The following DNAJA1 variants were observed in gnomAD, a reference collection of about 807,000 sequenced individuals.
The protein encoded by DNAJA1 is dnaJ homolog subfamily A member 1.
Under a neutral mutation model 47.6 loss-of-function variants are expected in DNAJA1, and 26 were observed. The ratio of observed to expected loss-of-function variants is 0.55; its 90% CI spans 0.40 to 0.76. The LOEUF (loss-of-function observed/expected upper bound fraction) is 0.76, where lower values mean the gene tolerates loss of function less well. Ranked by LOEUF, DNAJA1 falls within the 30% of genes least tolerant of loss-of-function variation. The pLI is 0.00. For missense variants in DNAJA1, 315 were observed against 485.0 expected, an observed-to-expected ratio of 0.65 and a Z score of 3.29; for synonymous variants, 165 against 158.4, an observed-to-expected ratio of 1.04 and a Z score of -0.31.
chr9:33,035,492 G>C (rs540638530), intron 6 of DNAJA1, among the ~76,000 whole-genome samples: 1 of 151,860 alleles, frequency 6.6e-6, no homozygotes, highest in African/African-American at 2.4e-5. Flanking sequence ...TTTTTGAGAT[G>C]CAGTTTCGCT....
intron 6 of DNAJA1, among the ~76,000 whole-genome samples, chr9:33,034,746 A>G (rs1839008816): frequency 6.6e-6 from 1 of 152,362 alleles, no homozygotes. Flanking sequence ...TTGTAACTCA[A>G]TACTAAGTAT....
rs1042299948 is a variant in DNAJA1, at chr9:33,033,567, G to C, written c.644-649G>C. ...AAAAAATTCAAAAATTAGCTGGTCTGTGGTCCTGGCTACTCGGGAGGCTGA... is the reference window on the plus strand; with the variant it reads ...AAAAAATTCAAAAATTAGCTGGTCTCTGGTCCTGGCTACTCGGGAGGCTGA... On this transcript the variant is annotated intron_variant, in intron 5 of 8. Transcript: ENST00000330899. 5.3e-5 allele frequency among the ~76,000 whole-genome samples: 8 copies of C among 152,164 alleles called. No homozygotes were observed. In the East Asian group the frequency reaches 1.2e-3, roughly 22 times the overall value.
At chr9:33,032,561 A>G (rs1006778766) in intron 5 of DNAJA1, among the ~76,000 whole-genome samples, 1 of 152,260 alleles carries the variant, frequency 6.6e-6, no homozygotes, top group African/African-American at 2.4e-5. Flanking sequence ...CCTATCAACA[A>G]TGGACTGTAA....
chr9:33,035,303 G>A (rs538064251), intron 6 of DNAJA1, among the ~76,000 whole-genome samples: 82 of 151,906 alleles, frequency 5.4e-4, no homozygotes, highest in African/African-American at 1.9e-3. Context: ...CAGAGGTCGC[G>A]GTGAGTTGAG....
At chr9:33,029,806 C>T in intron 3 of DNAJA1, 79 bp from the exon 4 acceptor site, 1 of 1,169,760 alleles carries the variant, frequency 8.5e-7, no homozygotes, top group Admixed American at 2.3e-5. Flanking sequence ...TATTCTTTGC[C>T]ACATTCTTTA....
chr9:33,035,059 T>C (rs974184495), intron 6 of DNAJA1, among the ~76,000 whole-genome samples: 1 of 132,406 alleles, frequency 7.6e-6, no homozygotes, highest in Non-Finnish European at 1.7e-5. Context: ...TTTTTTTTAA[T>C]GGAGTGGAGG....
In DNAJA1 at chr9:33,029,961, A is replaced by G. The variant is rs1205726889; in HGVS notation, c.387A>G (p.Gln129=). The change falls in exon 4 of 9, where the codon CAA becomes CAG. Residue 129 remains glutamine, a synonymous_variant. Transcript: ENST00000330899. The stretch of plus-strand genomic sequence containing the variant: ...GTGCAACAAGAAAACTGGCTCTGCA[A>G]AAGAATGTGATTTGTGACAAATGTG... ...YNGATRKLAL[Q]KNVICDKCEG... 1.9e-6 allele frequency: 3 copies of G among 1,613,592 alleles called. No individual in the cohort carries two copies. Among genetic ancestry groups the G allele is most frequent in the Non-Finnish European group, 2.5e-6 (3 of 1,179,868 alleles).
chr9:33,025,622 C>G (rs1462083355), intron 1 of DNAJA1, among the ~76,000 whole-genome samples: 1 of 152,212 alleles, frequency 6.6e-6, no homozygotes, highest in Non-Finnish European at 1.5e-5. Flanking sequence ...CCTGGGATCT[C>G]CAAGGAGCTA....
At chr9:33,027,287 C>T (rs184416291) in intron 3 of DNAJA1, among the ~76,000 whole-genome samples, 23 of 151,834 alleles carry the variant, frequency 1.5e-4, no homozygotes, top group South Asian at 8.3e-4. Flanking sequence ...TCCCAAGTAG[C>T]TGGGATTACA....
At chr9:33,026,684 G>A in intron 2 of DNAJA1, 68 bp downstream of exon 2, 2 of 1,566,026 alleles carry the variant, frequency 1.3e-6, no homozygotes, top group Admixed American at 2.0e-5. Flanking sequence ...TTCTATTATG[G>A]CCTGAAATCG....
intron 1 of DNAJA1, among the ~76,000 whole-genome samples, chr9:33,025,735 G>C (rs1279206167): frequency 6.6e-6 from 1 of 152,016 alleles, no homozygotes; most frequent in African/African-American, 2.4e-5. Flanking sequence ...CTGCGCACGC[G>C]CACAGGGAGG....
chr9:33,029,892 T>C lies in DNAJA1; in HGVS notation c.318T>C (p.Asn106=), dbSNP rs552013421. ...GRMQRERRGK[N]VVHQLSVTLE... ...AGAAATATTTTGTTTTAGGTAAAAA[T>C]GTTGTACATCAGCTCTCAGTAACCC... The change falls in exon 4 of 9, where the codon AAT becomes AAC. Residue 106 remains asparagine (N), a synonymous_variant. Transcript: ENST00000330899. 154 of 1,604,994 alleles carry C rather than the reference T, an allele frequency of 9.6e-5. 4 individuals carry two copies. The South Asian group carries it at 1.7e-3, about 18-fold the overall frequency.
At chr9:33,033,478 C>T (rs1239524480) in intron 5 of DNAJA1, among the ~76,000 whole-genome samples, 1 of 151,932 alleles carries the variant, frequency 6.6e-6, no homozygotes, top group Non-Finnish European at 1.5e-5. Flanking sequence ...AGGCAGGATC[C>T]CTTGAGCCCA....
At chr9:33,029,826 T>C in intron 3 of DNAJA1, 59 bp from the exon 4 acceptor site, 1 of 1,414,274 alleles carries the variant, frequency 7.1e-7, no homozygotes, top group Non-Finnish European at 9.8e-7. Flanking sequence ...ATAGTGCCTT[T>C]AGCACAAATA....
At position 33,033,350 on chromosome 9, in the gene DNAJA1, T is replaced by G. The variant is rs77983734; in HGVS notation, c.644-866T>G. Among the ~76,000 whole-genome samples the G allele has an allele frequency of 4.3e-3, 656 of 152,168 alleles. 7 individuals carry two copies. Among genetic ancestry groups the G allele is most frequent in the African/African-American group, 0.015 (628 of 41,502 alleles). On this transcript the variant is annotated intron_variant, in intron 5 of 8. Coordinates refer to ENST00000330899, the MANE Select transcript of DNAJA1 (RefSeq NM_001539.4). ...GCTATCCTCAGGGTATCCTCCTGAC[T>G]CGGCCTCTCAAAGTATAATTACCCT...
intron 1 of DNAJA1, among the ~76,000 whole-genome samples, 198 bp from the exon 2 acceptor site, chr9:33,026,277 T>A (rs1838844917): frequency 6.6e-6 from 1 of 152,242 alleles, no homozygotes; most frequent in Non-Finnish European, 1.5e-5. Context: ...CTCAGATTAT[T>A]TCCCGATAAT....
chr9:33,026,065 T>C (rs1249830568), intron 1 of DNAJA1, among the ~76,000 whole-genome samples: 1 of 152,228 alleles, frequency 6.6e-6, no homozygotes, highest in African/African-American at 2.4e-5. Flanking sequence ...AGACGTCTTT[T>C]TCTGGAGAGT....
At chr9:33,025,582 G>C (rs778699207) in intron 1 of DNAJA1, among the ~76,000 whole-genome samples, 199 bp downstream of exon 1, 11 of 152,162 alleles carry the variant, frequency 7.2e-5, no homozygotes, top group Non-Finnish European at 1.6e-4. Flanking sequence ...ATGGGCCCGA[G>C]ACCTTTCCTA....
chr9:33,033,825 A>C lies in DNAJA1; in HGVS notation c.644-391A>C, dbSNP rs533658530. Among the ~76,000 whole-genome samples the C allele has an allele frequency of 5.9e-5, 9 of 152,360 alleles. No homozygotes were observed. The East Asian group carries it at 1.7e-3, about 29-fold the overall frequency. On this transcript the variant is annotated intron_variant, in intron 5 of 8. Transcript: ENST00000330899. ...TATAAGTAATGAAACTGAAATACTT[A>C]ATTAACATTTTTTGGTTATAACCAG...
Sources: gnomAD v4.1 joint callset for allele counts (sites outside exome capture counted in the v4.1 genomes callset) on GRCh38, gnomAD v4.1.1 for gene constraint, MANE v1.5 for transcripts, NCBI Gene and HGNC (gene_info 2026-07-23, HGNC 2026-07-21) for gene names.